The following TSHZ1 variants were observed in gnomAD, a reference collection of about 807,000 sequenced individuals.
The protein encoded by TSHZ1 is teashirt zinc finger homeobox 1.
Under a neutral mutation model 67.1 loss-of-function variants are expected in TSHZ1, and 12 were observed. That is an observed-to-expected ratio of 0.18 (90% CI 0.11 to 0.29). The LOEUF (loss-of-function observed/expected upper bound fraction) is 0.29, where lower values mean the gene tolerates loss of function less well. Among genes scored for constraint, TSHZ1 ranks in the 10% least tolerant of loss-of-function variants. TSHZ1 has a pLI of 1.00. For missense variants in TSHZ1, 1,305 were observed against 1,413.9 expected, an observed-to-expected ratio of 0.92 and a Z score of 1.23; for synonymous variants, 632 against 622.4, an observed-to-expected ratio of 1.02 and a Z score of -0.23.
At chr18:75,274,225 T>C (rs2023589528) in intron 1 of TSHZ1, among the ~76,000 whole-genome samples, 1 of 152,198 alleles carries the variant, frequency 6.6e-6, no homozygotes, top group Non-Finnish European at 1.5e-5. Context: ...TCTGGAGTCT[T>C]TGTTTTATTT....
chr18:75,211,975 G>A lies in TSHZ1; in HGVS notation c.40+59G>A, dbSNP rs546177772. Reference sequence around the variant, plus strand: ...GGCGCCGGGAGGAGCAGGAGGAGGGGGCTTCGCGGGCCGAGGTGCGGGACG... The same window carrying A: ...GGCGCCGGGAGGAGCAGGAGGAGGGAGCTTCGCGGGCCGAGGTGCGGGACG... On this transcript the variant is annotated intron_variant, in intron 1 of 1. Transcript: ENST00000580243. The A allele has an allele frequency of 1.0e-5, 12 of 1,177,170 alleles. No homozygotes were observed. The African/African-American group carries it at 1.3e-4, about 13-fold the overall frequency. 72.9% of individuals were successfully genotyped at this position (1,177,170 alleles called of 1,614,324 possible). A position where few individuals can be genotyped will look rare whatever the true frequency, so the allele number is the denominator to read the frequency against.
chr18:75,235,855 C>T (rs2023060923), intron 1 of TSHZ1, among the ~76,000 whole-genome samples: 2 of 152,212 alleles, frequency 1.3e-5, no homozygotes, highest in African/African-American at 2.4e-5. Context: ...CTGCCTCCTC[C>T]AGCGTCTGTC....
chr18:75,216,083 A>G (rs1297502207), intron 1 of TSHZ1, among the ~76,000 whole-genome samples: 3 of 152,202 alleles, frequency 2.0e-5, no homozygotes, highest in Non-Finnish European at 4.4e-5. Context: ...TGCTTTCTGA[A>G]TATTTAAGTT....
intron 1 of TSHZ1, among the ~76,000 whole-genome samples, chr18:75,239,391 C>G (rs945265905): frequency 4.6e-5 from 7 of 152,162 alleles, no homozygotes; most frequent in African/African-American, 1.7e-4. Context: ...ATACGGACAC[C>G]TTGACCATGT....
chr18:75,234,684 T>A (rs2023044483), intron 1 of TSHZ1, among the ~76,000 whole-genome samples: 1 of 152,094 alleles, frequency 6.6e-6, no homozygotes. Flanking sequence ...CAACTCAAAT[T>A]AAAAAAAATG....
intron 1 of TSHZ1, among the ~76,000 whole-genome samples, chr18:75,257,606 G>C (rs762086856): frequency 6.6e-6 from 1 of 151,782 alleles, no homozygotes; most frequent in Non-Finnish European, 1.5e-5. Context: ...AGGAAACTTA[G>C]TGTTCGTAGA....
intron 1 of TSHZ1, among the ~76,000 whole-genome samples, chr18:75,232,144 C>T (rs532484680): frequency 9.9e-5 from 15 of 152,146 alleles, no homozygotes; most frequent in Admixed American, 5.2e-4. Context: ...AACTCCTGAC[C>T]TTGGGCGATC....
chr18:75,219,140 G>A (rs1175198653), intron 1 of TSHZ1, among the ~76,000 whole-genome samples: 3 of 152,190 alleles, frequency 2.0e-5, no homozygotes, highest in African/African-American at 7.2e-5. Context: ...GATTAAGGGT[G>A]ACAGTAGGTT....
chr18:75,249,949 C>T (rs886776350), intron 1 of TSHZ1, among the ~76,000 whole-genome samples: 3 of 148,466 alleles, frequency 2.0e-5, no homozygotes, highest in Non-Finnish European at 4.5e-5. Flanking sequence ...TTGACTTCCT[C>T]TTCCTCGTCT....
At chr18:75,274,376 C>T (rs115175351) in intron 1 of TSHZ1, among the ~76,000 whole-genome samples, 1,723 of 152,034 alleles carry the variant, frequency 0.011, 37 homozygotes, top group African/African-American at 0.039. Flanking sequence ...GTGACGCCAA[C>T]GGTGAGGGTG....
chr18:75,238,099 C>G (rs541707756), intron 1 of TSHZ1, among the ~76,000 whole-genome samples: 1 of 152,332 alleles, frequency 6.6e-6, no homozygotes, highest in African/African-American at 2.4e-5. Context: ...CCACGCCAGG[C>G]TGACTGAAGC....
At chr18:75,278,044 G>A (rs76147004) in intron 1 of TSHZ1, among the ~76,000 whole-genome samples, 2,093 of 152,186 alleles carry the variant, frequency 0.014, 53 homozygotes, top group African/African-American at 0.048. Flanking sequence ...CACGCTAAGG[G>A]GGTGGGTGGG....
chr18:75,239,912 G>A (rs974427965), intron 1 of TSHZ1, among the ~76,000 whole-genome samples: 1 of 152,206 alleles, frequency 6.6e-6, no homozygotes, highest in African/African-American at 2.4e-5. Context: ...GGGCAGCCCA[G>A]CATGCTTCCA....
chr18:75,240,366 C>CT (rs33927076), intron 1 of TSHZ1, among the ~76,000 whole-genome samples: 4,765 of 142,728 alleles, frequency 0.033, 83 homozygotes, highest in Non-Finnish European at 0.041. Context: ...GGCATTGCTC[C>CT]TTTTTTTTTT....
intron 1 of TSHZ1, among the ~76,000 whole-genome samples, chr18:75,272,005 C>T (rs4891254): frequency 0.098 from 14,875 of 152,216 alleles, 1,149 homozygotes; most frequent in East Asian, 0.43. Context: ...AACATCTGTC[C>T]TACCCCATAA....
chr18:75,251,607 T>C (rs186159837), intron 1 of TSHZ1, among the ~76,000 whole-genome samples: 1 of 152,214 alleles, frequency 6.6e-6, no homozygotes, highest in East Asian at 1.9e-4. Context: ...ATCATATTCC[T>C]GGGCCGTTGC....
intron 1 of TSHZ1, among the ~76,000 whole-genome samples, chr18:75,263,534 T>C (rs776395625): frequency 6.6e-6 from 1 of 152,244 alleles, no homozygotes; most frequent in African/African-American, 2.4e-5. Context: ...TATGTACTTA[T>C]CAGTTAAGGA....
intron 1 of TSHZ1, among the ~76,000 whole-genome samples, chr18:75,228,979 C>T (rs144041356): frequency 8.5e-5 from 13 of 152,372 alleles, no homozygotes; most frequent in East Asian, 3.9e-4. Context: ...GCCCCTAAGG[C>T]GTTTTATTTG....
chr18:75,255,057 G>A (rs1040245361), intron 1 of TSHZ1, among the ~76,000 whole-genome samples: 4 of 152,220 alleles, frequency 2.6e-5, no homozygotes, highest in African/African-American at 9.6e-5. Flanking sequence ...ATAGTCTCTC[G>A]ATGATGAAAC....
Sources: allele counts gnomAD v4.1 joint callset (sites outside exome capture counted in the v4.1 genomes callset), GRCh38; gene constraint gnomAD v4.1.1; transcripts MANE v1.5; gene names NCBI Gene and HGNC (gene_info 2026-07-23, HGNC 2026-07-21).